The following USB1 variants were observed in gnomAD, a reference collection of about 807,000 sequenced individuals.
The protein encoded by USB1 is U6 snRNA biogenesis phosphodiesterase 1.
Under a neutral mutation model 29.9 loss-of-function variants are expected in USB1, and 21 were observed. The observed-to-expected ratio is 0.70, with a 90% CI of 0.50 to 1.01. The LOEUF (loss-of-function observed/expected upper bound fraction) is 1.01. USB1 is among the 50% of genes least tolerant of loss of function. The pLI is 0.00. For missense variants in USB1, 330 were observed against 347.1 expected (o/e 0.95, Z 0.39); for synonymous variants, 143 against 134.9 (o/e 1.06, Z -0.42).
chr16:58,019,186 C>T, intron 6 of USB1, 131 bp downstream of exon 6: 1 of 890,142 alleles, frequency 1.1e-6, no homozygotes, highest in Non-Finnish European at 1.8e-6. Flanking sequence ...GAGACCCCAA[C>T]ACCTTCCCTT....
chr16:58,018,814 GT>G (rs1045664764), intron 5 of USB1, among the ~76,000 whole-genome samples, 157 bp from the exon 6 acceptor site: 28 of 152,198 alleles, frequency 1.8e-4, no homozygotes, highest in Admixed American at 1.8e-3. Flanking sequence ...TTGTCTGTCT[GT>G]GGAGGGTGCT....
intron 5 of USB1, 98 bp from the exon 6 acceptor site, chr16:58,018,874 C>T: frequency 1.6e-6 from 2 of 1,220,574 alleles, no homozygotes; most frequent in East Asian, 2.4e-5. Flanking sequence ...GCCAGGGATC[C>T]AGCAGGGATG....
rs1274478914 is a variant in USB1, at chr16:58,011,775, T to G, written c.449+1663T>G. 14 of 987,388 alleles carry G rather than the reference T, an allele frequency of 1.4e-5. No homozygotes were observed. The East Asian group carries it at 1.5e-3, about 104-fold the overall frequency. The allele number at this position is 987,388 out of a possible 1,614,324, so 61.2% of individuals were successfully genotyped here. ...CCATCTTCCTTCCTGGAGCCCACATTCCTCCAGGCCAGGACTGTGGCTTCT... is the reference window on the plus strand; with the variant it reads ...CCATCTTCCTTCCTGGAGCCCACATGCCTCCAGGCCAGGACTGTGGCTTCT... On this transcript the variant is annotated intron_variant, in intron 3 of 6. Transcript: ENST00000219281.
At chr16:58,017,531 A>G in intron 5 of USB1, 92 bp downstream of exon 5, 2 of 1,108,838 alleles carry the variant, frequency 1.8e-6, no homozygotes, top group East Asian at 5.1e-5. Context: ...CAAACCGAAG[A>G]CCCTTCAGAA....
At position 58,002,645 on chromosome 16, in the gene USB1, T is replaced by C. The variant is rs907446373; in HGVS notation, c.265T>C (p.Tyr89His). Residue 89 changes from tyrosine (Y) to histidine (H), a missense_variant and splice_region_variant, in exon 2 of 7, where the codon TAT (tyrosine) becomes CAT (histidine). Tyr to His is a moderately conservative substitution (Grantham distance 83). Transcript: ENST00000219281. ...CTGGGCCACCCACGTCTATGTACCA[T>C]GTGAGTGATGTGTGAAAGGCAAGTT... ...GNWATHVYVP[Y>H]EAKEEFLDLL... The C allele has an allele frequency of 2.5e-6, 4 of 1,613,546 alleles. No homozygotes were observed. Among genetic ancestry groups the C allele is most frequent in the African/African-American group, 2.7e-5 (2 of 74,846 alleles).
At chr16:58,003,231 C>T (rs1246342474) in intron 2 of USB1, among the ~76,000 whole-genome samples, 1 of 152,180 alleles carries the variant, frequency 6.6e-6, no homozygotes, top group Non-Finnish European at 1.5e-5. Context: ...TTGAGACCAG[C>T]CTCGGCAACA....
At chr16:58,017,628 C>T (rs1963647866) in intron 5 of USB1, among the ~76,000 whole-genome samples, 189 bp downstream of exon 5, 1 of 152,346 alleles carries the variant, frequency 6.6e-6, no homozygotes, top group East Asian at 1.9e-4. Context: ...AGATGCAGCC[C>T]ACCCAAAGTC....
chr16:58,018,021 C>G (rs1963658382), intron 5 of USB1, among the ~76,000 whole-genome samples: 1 of 152,174 alleles, frequency 6.6e-6, no homozygotes, highest in Admixed American at 6.5e-5. Context: ...TGTCCTAGAT[C>G]AGAATAGAGG....
In USB1 at chr16:58,010,015, G is replaced by A. The variant is rs1480244396; in HGVS notation, c.352G>A (p.Val118Met). ...TGTCCCCCGGCTGGTAAGGATGAAG[G>A]TGTTCCACCTCAGCCTGTCCCAGAG... Reference protein sequence around the residue: ...TYVPRLVRMKVFHLSLSQSVV... With the variant: ...TYVPRLVRMKMFHLSLSQSVV... Residue 118 changes from valine to methionine, a missense_variant, in exon 3 of 7, where the codon GTG (valine) becomes ATG (methionine). Coordinates refer to ENST00000219281, the MANE Select transcript of USB1 (RefSeq NM_024598.4). The A allele has an allele frequency of 6.2e-7, 1 of 1,613,930 alleles. No individual in the cohort carries two copies. The highest frequency in any genetic ancestry group is 1.3e-5 in the African/African-American group (1 of 74,858).
intron 4 of USB1, 97 bp downstream of exon 4, chr16:58,014,423 T>G (rs1162907705): frequency 1.8e-6 from 2 of 1,105,458 alleles, no homozygotes; most frequent in Non-Finnish European, 1.4e-6. Flanking sequence ...ATTTTTTGTT[T>G]GCTTTTAACC....
intron 3 of USB1, 123 bp downstream of exon 3, chr16:58,010,235 C>T: frequency 5.3e-6 from 6 of 1,141,358 alleles, no homozygotes; most frequent in Non-Finnish European, 7.6e-6. Context: ...CGGCCCCTCT[C>T]CTGGGGCTGC....
Position 58,020,141 on chromosome 16 carries a change from G to A in USB1, c.694G>A (p.Ala232Thr), listed in dbSNP as rs1317959501. Residue 232 changes from alanine to threonine, a missense_variant and splice_region_variant, in exon 7 of 7, where the codon GCA (alanine) becomes ACA (threonine). Ala to Thr is a moderately conservative substitution (Grantham distance 58, BLOSUM62 0). Transcript: ENST00000219281. ...GTCCTCCCCTGGCTGCTGTTTTAAG[G>A]CAATCGTGGATGGGTTTGAAGATGC... Reference protein sequence around the residue: ...LEGQCLQELQAIVDGFEDAEV... With the variant: ...LEGQCLQELQTIVDGFEDAEV... 1.9e-6 allele frequency: 3 copies of A among 1,614,152 alleles called. No individual in the cohort carries two copies. Among genetic ancestry groups the A allele is most frequent in the Non-Finnish European group, 2.5e-6 (3 of 1,180,022 alleles).
At chr16:58,012,417 GCT>G in intron 3 of USB1, 2 of 1,347,462 alleles carry the variant, frequency 1.5e-6, no homozygotes, top group Non-Finnish European at 2.0e-6. Flanking sequence ...GGTAGCACTG[GCT>G]CATGCATGAG....
Position 58,018,457 on chromosome 16 carries a change from C to A in USB1, c.610-515C>A, listed in dbSNP as rs1196982508. 4.6e-5 allele frequency among the ~76,000 whole-genome samples: 7 copies of A among 152,130 alleles called. No homozygotes were observed. The East Asian group carries it at 9.6e-4, about 21-fold the overall frequency. On this transcript the variant is annotated intron_variant, in intron 5 of 6. Transcript: ENST00000219281. Reference sequence around the variant, plus strand: ...CAGGCTGGTCTCAAACTCCTGACCTCAGGTGATCTGCCTGCCTTGGCCTCT... The same window carrying A: ...CAGGCTGGTCTCAAACTCCTGACCTAAGGTGATCTGCCTGCCTTGGCCTCT...
intron 2 of USB1, among the ~76,000 whole-genome samples, chr16:58,007,327 G>A (rs576258383): frequency 1.5e-4 from 23 of 152,092 alleles, no homozygotes; most frequent in Non-Finnish European, 2.8e-4. Flanking sequence ...CTAGTGAACC[G>A]AACCCATCTG....
chr16:58,020,685 CCT>C lies in USB1; in HGVS notation c.*449_*450del, dbSNP rs1211450542. ...CTTCCCTTCCTGTCTCTCTTCCCCTCCTCTCTCTCTTCCTGTCCTCTATCTCT... is the reference window on the plus strand; with the variant it reads ...CTTCCCTTCCTGTCTCTCTTCCCCTCCTCTCTCTTCCTGTCCTCTATCTCT... On this transcript the variant is annotated 3_prime_UTR_variant, in exon 7 of 7. Transcript: ENST00000219281. 1.1e-5 allele frequency: 3 copies of C among 269,790 alleles called. No homozygotes were observed. The highest frequency in any genetic ancestry group is 1.4e-5 in the Non-Finnish European group (2 of 138,110). 16.7% of individuals were successfully genotyped at this position (269,790 alleles called of 1,614,324 possible). A position where few individuals can be genotyped will look rare whatever the true frequency, so the allele number is the denominator to read the frequency against.
chr16:58,011,407 C>T, intron 3 of USB1: 1 of 1,163,352 alleles, frequency 8.6e-7, no homozygotes, highest in Non-Finnish European at 1.1e-6. Flanking sequence ...TTTCCCCTTA[C>T]CTATTAGATT....
chr16:58,011,921 C>A (rs1030794421), intron 3 of USB1: 19 of 1,025,036 alleles, frequency 1.9e-5, no homozygotes, highest in Middle Eastern at 9.6e-4. Flanking sequence ...GGATCCTCTA[C>A]TGTTGATACT....
At chr16:58,012,049 A>G in intron 3 of USB1, 1 of 1,271,324 alleles carries the variant, frequency 7.9e-7, no homozygotes, top group Non-Finnish European at 9.9e-7. Context: ...TAAAACAGAA[A>G]TAAACAGTCT....
Sources: allele counts gnomAD v4.1 joint callset (sites outside exome capture counted in the v4.1 genomes callset), GRCh38; gene constraint gnomAD v4.1.1; transcripts MANE v1.5; gene names NCBI Gene and HGNC (gene_info 2026-07-23, HGNC 2026-07-21).